The following SCFD2 variants were observed in gnomAD, a reference collection of about 807,000 sequenced individuals.
SCFD2 encodes the protein sec1 family domain containing 2.
Under a neutral mutation model 58.9 loss-of-function variants are expected in SCFD2, and 54 were observed. The ratio of observed to expected loss-of-function variants is 0.92; its 90% confidence interval spans 0.74 to 1.15. SCFD2 has a LOEUF of 1.15. SCFD2 is among the 50% of genes most tolerant of loss of function. SCFD2 has a pLI of 0.00. For synonymous variants in SCFD2, 321 were observed against 335.9 expected, an observed-to-expected ratio of 0.96 and a Z score of 0.49; for missense variants, 805 against 836.6, an observed-to-expected ratio of 0.96 and a Z score of 0.47.
At chr4:53,177,575 C>G (rs1181661850) in intron 4 of SCFD2, among the ~76,000 whole-genome samples, 1 of 152,168 alleles carries the variant, frequency 6.6e-6, no homozygotes. Flanking sequence ...GTCTACAGCT[C>G]CCAGCGTGAG....
At chr4:53,264,743 C>A (rs142252857) in intron 4 of SCFD2, among the ~76,000 whole-genome samples, 3 of 152,140 alleles carry the variant, frequency 2.0e-5, no homozygotes, top group African/African-American at 7.2e-5. Context: ...AGCAGACATA[C>A]TATTACTTAG....
At chr4:52,986,639 C>T (rs892944328) in intron 5 of SCFD2, among the ~76,000 whole-genome samples, 4 of 151,342 alleles carry the variant, frequency 2.6e-5, no homozygotes, top group East Asian at 4.0e-4. Context: ...GCTGGGACTA[C>T]AGGCGCCCAC....
At chr4:53,007,954 C>A (rs1722014447) in intron 5 of SCFD2, among the ~76,000 whole-genome samples, 1 of 152,130 alleles carries the variant, frequency 6.6e-6, no homozygotes, top group South Asian at 2.1e-4. Context: ...ATGAGCTGGG[C>A]TCTAATGAAT....
chr4:53,288,736 T>C (rs1399128905), intron 3 of SCFD2, among the ~76,000 whole-genome samples: 4 of 152,174 alleles, frequency 2.6e-5, no homozygotes, highest in Non-Finnish European at 5.9e-5. Flanking sequence ...CTAAACCAGC[T>C]TCAGAAGAAA....
chr4:53,185,588 T>C (rs1371741733), intron 4 of SCFD2, among the ~76,000 whole-genome samples: 1 of 152,056 alleles, frequency 6.6e-6, no homozygotes, highest in Non-Finnish European at 1.5e-5. Flanking sequence ...AGCAAAAGTA[T>C]CAAATATAAT....
chr4:53,248,000 C>G (rs1327966188), intron 4 of SCFD2, among the ~76,000 whole-genome samples: 1 of 152,136 alleles, frequency 6.6e-6, no homozygotes, highest in East Asian at 1.9e-4. Flanking sequence ...TCTGCATTTC[C>G]ATCTGAGGTA....
chr4:52,977,079 C>T (rs1258486499), intron 5 of SCFD2, among the ~76,000 whole-genome samples: 1 of 152,002 alleles, frequency 6.6e-6, no homozygotes, highest in Non-Finnish European at 1.5e-5. Flanking sequence ...ATTATTGTTA[C>T]CCGTATCACT....
chr4:52,898,386 A>G (rs1719084550), intron 7 of SCFD2, among the ~76,000 whole-genome samples: 1 of 152,144 alleles, frequency 6.6e-6, no homozygotes, highest in African/African-American at 2.4e-5. Context: ...GAACATCTTT[A>G]TTTCTGCCTT....
chr4:53,361,281 T>C (rs1198742862), intron 1 of SCFD2, among the ~76,000 whole-genome samples: 2 of 152,246 alleles, frequency 1.3e-5, no homozygotes, highest in Admixed American at 6.5e-5. Flanking sequence ...CTAACTCTTA[T>C]GCTTTTTTTA....
At chr4:52,950,454 G>A (rs1338619078) in intron 5 of SCFD2, 5 of 152,234 alleles carry the variant, frequency 3.3e-5, no homozygotes, top group African/African-American at 9.6e-5. Flanking sequence ...CTGGGGGAGA[G>A]AGAGAGAATG....
intron 5 of SCFD2, among the ~76,000 whole-genome samples, chr4:52,924,865 T>C (rs1027690917): frequency 3.3e-5 from 5 of 152,150 alleles, no homozygotes; most frequent in African/African-American, 7.2e-5. Flanking sequence ...CCTCCCACAA[T>C]TCCACATCTC....
chr4:53,116,910 A>G (rs539843883), intron 5 of SCFD2, among the ~76,000 whole-genome samples: 19 of 152,326 alleles, frequency 1.2e-4, no homozygotes, highest in African/African-American at 4.6e-4. Context: ...TCTAAGTACC[A>G]TCACCTTGTC....
intron 5 of SCFD2, among the ~76,000 whole-genome samples, chr4:53,086,708 G>A (rs1170757943): frequency 6.6e-6 from 1 of 152,180 alleles, no homozygotes; most frequent in African/African-American, 2.4e-5. Flanking sequence ...CCATAAAAAA[G>A]AATGAGATTC....
intron 5 of SCFD2, among the ~76,000 whole-genome samples, chr4:53,025,335 A>C (rs2148815653): frequency 6.6e-6 from 1 of 152,396 alleles, no homozygotes; most frequent in Non-Finnish European, 1.5e-5. Flanking sequence ...ATCAACATTA[A>C]AATAAACATT....
intron 2 of SCFD2, among the ~76,000 whole-genome samples, chr4:53,341,695 G>A (rs548607447): frequency 6.6e-6 from 1 of 152,212 alleles, no homozygotes; most frequent in Admixed American, 6.5e-5. Context: ...AAATGTTCAG[G>A]GCCACCAGAG....
chr4:53,189,848 GC>G (rs1727843179), intron 4 of SCFD2, among the ~76,000 whole-genome samples: 3 of 152,138 alleles, frequency 2.0e-5, no homozygotes, highest in Non-Finnish European at 4.4e-5. Context: ...CAGAATATTG[GC>G]TACATCCTTA....
At chr4:53,360,552 G>A (rs1179041153) in intron 1 of SCFD2, among the ~76,000 whole-genome samples, 1 of 152,144 alleles carries the variant, frequency 6.6e-6, no homozygotes, top group Non-Finnish European at 1.5e-5. Flanking sequence ...GGCCATTCTG[G>A]CTTTATCACC....
intron 3 of SCFD2, among the ~76,000 whole-genome samples, chr4:53,306,578 C>T (rs1732520966): frequency 6.6e-6 from 1 of 152,136 alleles, no homozygotes; most frequent in South Asian, 2.1e-4. Context: ...CTCACCCATA[C>T]TCATCAGGCA....
At chr4:53,242,242 C>T (rs2149026768) in intron 4 of SCFD2, among the ~76,000 whole-genome samples, 1 of 152,358 alleles carries the variant, frequency 6.6e-6, no homozygotes, top group South Asian at 2.1e-4. Flanking sequence ...GTGTTGTGAC[C>T]AGCAGTATGG....
Sources: gnomAD v4.1 joint callset for allele counts (sites outside exome capture counted in the v4.1 genomes callset) on GRCh38, gnomAD v4.1.1 for gene constraint, MANE v1.5 for transcripts, NCBI Gene and HGNC (gene_info 2026-07-23, HGNC 2026-07-21) for gene names.